The following TENM4 variants were observed in gnomAD, a reference collection of about 807,000 sequenced individuals.
TENM4 encodes the protein teneurin-4.
Under a neutral mutation model 243.3 loss-of-function variants are expected in TENM4, and 82 were observed. The observed-to-expected ratio is 0.34, with a 90% CI of 0.28 to 0.40. TENM4 has a LOEUF of 0.40. Ranked by LOEUF, TENM4 falls within the 10% of genes least tolerant of loss-of-function variation. The pLI is 1.00. For missense variants in TENM4, 3,138 were observed against 3,673.3 expected (o/e 0.85, Z 3.77); for synonymous variants, 1,412 against 1,456.3 (o/e 0.97, Z 0.69).
rs545049786 is a variant in TENM4 at position 78,832,014 on chromosome 11, C to T, written c.1682-17619G>A. On this transcript the variant is annotated intron_variant, in intron 12 of 33. Transcript: ENST00000278550. ...AGTCAGGCACAGTGCTGGTACATTG[C>T]ATTGTGTCATTAATCCTTCCAAGGC... Among the ~76,000 whole-genome samples, 171 of 152,306 alleles carry T rather than the reference C, an allele frequency of 1.1e-3. 1 individual carries two copies. Among genetic ancestry groups the T allele is most frequent in the African/African-American group, 4.0e-3 (165 of 41,558 alleles).
chr11:79,051,018 A>T (rs191346886), intron 6 of TENM4, among the ~76,000 whole-genome samples: 7 of 152,336 alleles, frequency 4.6e-5, no homozygotes, highest in African/African-American at 1.7e-4. Context: ...GTTGAATCCC[A>T]TCTCCTCCAT....
intron 2 of TENM4, among the ~76,000 whole-genome samples, chr11:79,261,568 A>G (rs1187111506): frequency 6.6e-6 from 1 of 152,120 alleles, no homozygotes; most frequent in East Asian, 1.9e-4. Flanking sequence ...GGAACCCCAC[A>G]CCAGGAACCC....
chr11:78,706,791 T>G (rs575024239), intron 27 of TENM4, among the ~76,000 whole-genome samples: 1 of 152,166 alleles, frequency 6.6e-6, no homozygotes, highest in Non-Finnish European at 1.5e-5. Flanking sequence ...AGGGCCCATT[T>G]TGAGAATTGA....
At chr11:79,069,655 C>T in intron 5 of TENM4, 67 bp downstream of exon 5, 1 of 1,488,792 alleles carries the variant, frequency 6.7e-7, no homozygotes, top group Non-Finnish European at 9.0e-7. Context: ...CACGCCCACC[C>T]GAGCCCATGC....
In TENM4 at chr11:78,722,245, C is replaced by G. The variant is rs575919523; in HGVS notation, c.3800+423G>C. On this transcript the variant is annotated intron_variant, in intron 24 of 33. Coordinates refer to ENST00000278550, the MANE Select transcript of TENM4 (RefSeq NM_001098816.3). ...GCACAAGCTGATCTCAAACGCCTGG[C>G]CTCAAGTGATCCTTCTGCTTTGGTC... 5.7e-4 allele frequency among the ~76,000 whole-genome samples: 87 copies of G among 152,244 alleles called. 1 individual carries two copies. Among genetic ancestry groups the G allele is most frequent in the African/African-American group, 2.0e-3 (83 of 41,560 alleles).
intron 7 of TENM4, among the ~76,000 whole-genome samples, chr11:78,898,413 AGGG>A (rs1855844821): frequency 6.6e-6 from 1 of 152,234 alleles, no homozygotes; most frequent in East Asian, 1.9e-4. Flanking sequence ...CAATCAGGGA[AGGG>A]CCTGTGACTA....
At chr11:78,899,742 T>C (rs922860410) in intron 7 of TENM4, among the ~76,000 whole-genome samples, 2 of 152,130 alleles carry the variant, frequency 1.3e-5, no homozygotes, top group African/African-American at 2.4e-5. Flanking sequence ...AAAAAGAGCC[T>C]GGCACCTCCC....
chr11:79,242,250 C>A (rs898843878), intron 2 of TENM4, among the ~76,000 whole-genome samples: 1 of 152,094 alleles, frequency 6.6e-6, no homozygotes, highest in African/African-American at 2.4e-5. Flanking sequence ...AATGCATGTT[C>A]AGGAGGGAAA....
chr11:79,063,054 C>T (rs529733588), intron 6 of TENM4, among the ~76,000 whole-genome samples: 19 of 152,302 alleles, frequency 1.2e-4, no homozygotes, highest in African/African-American at 4.6e-4. Context: ...AATTGCCACC[C>T]TCCCACCCCT....
At chr11:78,736,819 C>G (rs1395256167) in intron 20 of TENM4, among the ~76,000 whole-genome samples, 1 of 152,072 alleles carries the variant, frequency 6.6e-6, no homozygotes, top group Admixed American at 6.6e-5. Context: ...AAGAATTGAT[C>G]TGAAATTCAA....
At chr11:78,788,610 C>G (rs1156775632) in intron 15 of TENM4, among the ~76,000 whole-genome samples, 2 of 152,266 alleles carry the variant, frequency 1.3e-5, no homozygotes, top group Non-Finnish European at 2.9e-5. Context: ...GCTGACCTAA[C>G]TGGGCTCTGG....
At chr11:78,713,684 T>C (rs932677758) in intron 25 of TENM4, among the ~76,000 whole-genome samples, 1 of 152,148 alleles carries the variant, frequency 6.6e-6, no homozygotes, top group African/African-American at 2.4e-5. Context: ...AGAGATAAAA[T>C]AAAAAATGCA....
intron 9 of TENM4, among the ~76,000 whole-genome samples, chr11:78,863,721 T>C (rs1482557681): frequency 6.6e-6 from 1 of 152,244 alleles, no homozygotes; most frequent in Non-Finnish European, 1.5e-5. Flanking sequence ...AGCATTCCCA[T>C]ATTTTACTGG....
At chr11:78,961,503 A>G (rs1857319915) in intron 6 of TENM4, among the ~76,000 whole-genome samples, 1 of 152,210 alleles carries the variant, frequency 6.6e-6, no homozygotes, top group Non-Finnish European at 1.5e-5. Flanking sequence ...GCTCAGAATA[A>G]GAGAGCTTGC....
intron 6 of TENM4, among the ~76,000 whole-genome samples, chr11:79,051,841 C>A (rs145825735): frequency 2.0e-4 from 30 of 152,338 alleles, no homozygotes; most frequent in African/African-American, 6.7e-4. Context: ...TCTCAGCATT[C>A]AGCTCCCACT....
intron 1 of TENM4, among the ~76,000 whole-genome samples, chr11:79,399,968 C>G (rs552431295): frequency 6.6e-6 from 1 of 152,018 alleles, no homozygotes; most frequent in East Asian, 1.9e-4. Flanking sequence ...AAACTCCCAC[C>G]CAAGGCAGAA....
chr11:79,160,756 TCA>T (rs1257550894), intron 3 of TENM4, among the ~76,000 whole-genome samples: 1 of 152,196 alleles, frequency 6.6e-6, no homozygotes, highest in Non-Finnish European at 1.5e-5. Flanking sequence ...CAGGTATTTC[TCA>T]TACTTTATTC....
At chr11:78,861,497 GAA>G (rs1858818237) in intron 10 of TENM4, among the ~76,000 whole-genome samples, 1 of 152,202 alleles carries the variant, frequency 6.6e-6, no homozygotes, top group South Asian at 2.1e-4. Context: ...AAGAGGCAAA[GAA>G]AGTGTGCACT....
At chr11:78,674,297 C>G (rs954624969) in intron 30 of TENM4, among the ~76,000 whole-genome samples, 3 of 152,210 alleles carry the variant, frequency 2.0e-5, no homozygotes, top group African/African-American at 4.8e-5. Context: ...GGGAGGCACA[C>G]CCGGCTAACA....
Sources: allele counts gnomAD v4.1 joint callset (sites outside exome capture counted in the v4.1 genomes callset), GRCh38; gene constraint gnomAD v4.1.1; transcripts MANE v1.5; gene names NCBI Gene and HGNC (gene_info 2026-07-23, HGNC 2026-07-21).